Variants in C1QTNF12 observed in about 807,000 individuals in gnomAD.
C1QTNF12 encodes the protein C1q and TNF related 12.
A neutral mutation model predicts 34.3 loss-of-function variants in C1QTNF12; 39 were observed. That is an observed-to-expected ratio of 1.14 (90% CI 0.88 to 1.49). The LOEUF is 1.49. Among genes scored for constraint, C1QTNF12 ranks in the 40% most tolerant of loss-of-function variants. C1QTNF12 has a pLI of 0.00. For synonymous variants in C1QTNF12, 220 were observed against 196.9 expected, an observed-to-expected ratio of 1.12 and a Z score of -0.98; for missense variants, 497 against 424.7, an observed-to-expected ratio of 1.17 and a Z score of -1.50.
At chr1:1,246,840 C>G (rs977334582), upstream of C1QTNF12, 1 of 502,090 alleles carries the variant, frequency 2.0e-6, no homozygotes, top group African/African-American at 2.0e-5. This position sits in a 1 kb window ranked among gnomAD's most constrained non-coding sequence, Gnocchi z 4.5. Flanking sequence ...CTGCCCGGAA[C>G]GGCGGCGCGA....
rs564107619 is a variant in C1QTNF12, at chr1:1,243,370, G to A, written c.640+74C>T. On this transcript the variant is annotated intron_variant, in intron 5 of 7. Coordinates refer to ENST00000330388, the MANE Select transcript of C1QTNF12 (RefSeq NM_001014980.3). Reference sequence around the variant, plus strand: ...CCTAACAGGACCCGCACCCGGGGCCGGCGATGCCAGGCGCCCCCAGAAAGC... The same window carrying A: ...CCTAACAGGACCCGCACCCGGGGCCAGCGATGCCAGGCGCCCCCAGAAAGC... 3.0e-5 allele frequency: 42 copies of A among 1,384,068 alleles called. 1 individual carries two copies. Among genetic ancestry groups the A allele is most frequent in the South Asian group, 2.0e-4 (16 of 79,484 alleles). 85.7% of individuals were successfully genotyped at this position (1,384,068 alleles called of 1,614,324 possible). A position where few individuals can be genotyped will look rare whatever the true frequency, so the allele number is the denominator to read the frequency against.
chr1:1,243,280 A>G, intron 5 of C1QTNF12, 128 bp from the exon 6 acceptor site: 1 of 997,354 alleles, frequency 1.0e-6, no homozygotes, highest in Non-Finnish European at 1.5e-6. Context: ...GGGGCGCCTG[A>G]GGCCAGGCGT....
At chr1:1,244,542 A>G in intron 1 of C1QTNF12, 45 bp from the exon 2 acceptor site, 1 of 1,436,376 alleles carries the variant, frequency 7.0e-7, no homozygotes, top group South Asian at 1.1e-5. Flanking sequence ...TGCACCCTGC[A>G]GAGAGCTGGG....
chr1:1,244,847 C>G (rs1162586817), intron 1 of C1QTNF12: 1 of 77,966 alleles, frequency 1.3e-5, no homozygotes. Context: ...CTCCTCCCCC[C>G]ACTCCTCATC....
intron 1 of C1QTNF12, 112 bp from the exon 2 acceptor site, chr1:1,244,609 GAGA>G: frequency 4.7e-6 from 4 of 845,656 alleles, no homozygotes; most frequent in South Asian, 4.4e-5. Context: ...CGCCGGCCAG[GAGA>G]AGGACCCACG....
At chr1:1,245,491 G>T (rs563133992) in intron 1 of C1QTNF12, among the ~76,000 whole-genome samples, 1 of 151,136 alleles carries the variant, frequency 6.6e-6, no homozygotes, top group African/African-American at 2.4e-5. Context: ...CAGCCCTCCA[G>T]CCGGCACCCT....
At chr1:1,246,945 C>G (rs1031576124), upstream of C1QTNF12, among the ~76,000 whole-genome samples, 8 of 152,148 alleles carry the variant, frequency 5.3e-5, no homozygotes, top group Admixed American at 1.3e-4. The surrounding 1 kb of genome is among the most constrained non-coding windows in gnomAD (Gnocchi z 4.5). Context: ...AAATCCTCCC[C>G]TCGCCTCCTC....
In C1QTNF12 at chr1:1,246,715, G is replaced by T; in HGVS notation, c.-25C>A. The stretch of plus-strand genomic sequence containing the variant: ...TGGCTCCGTCCCGAGGCGGCTCAGC[G>T]CGGCGAGTCTCGGCGCCAGGGCGCA... On this transcript the variant is annotated 5_prime_UTR_variant, in exon 1 of 8. Coordinates refer to ENST00000330388, the MANE Select transcript of C1QTNF12 (RefSeq NM_001014980.3). The surrounding 1 kb of genome is among the most constrained non-coding windows in gnomAD (Gnocchi z 4.5). 1 of 1,217,188 alleles carries T rather than the reference G, an allele frequency of 8.2e-7. No homozygotes were observed. Among genetic ancestry groups the T allele is most frequent in the South Asian group, 4.1e-5 (1 of 24,220 alleles). 75.4% of individuals were successfully genotyped at this position (1,217,188 alleles called of 1,614,324 possible). A position where few individuals can be genotyped will look rare whatever the true frequency, so the allele number is the denominator to read the frequency against.
intron 7 of C1QTNF12, 23 bp downstream of exon 7, chr1:1,242,812 G>A (rs182102046): frequency 1.2e-5 from 19 of 1,611,030 alleles, no homozygotes; most frequent in Admixed American, 1.2e-4. Context: ...GAGCCCTCCC[G>A]CTCACACCCG....
At chr1:1,242,673 C>A in intron 7 of C1QTNF12, 27 bp from the exon 8 acceptor site, 1 of 1,573,692 alleles carries the variant, frequency 6.4e-7, no homozygotes, top group African/African-American at 1.4e-5. Context: ...GACGTCACAA[C>A]CGCAGCCACA....
chr1:1,244,229 G>GC lies in C1QTNF12; in HGVS notation c.340dup (p.Ala114GlyfsTer104), dbSNP rs1557534965. The GC allele has an allele frequency of 6.3e-7, 1 of 1,598,124 alleles. No individual in the cohort carries two copies. Among genetic ancestry groups the GC allele is most frequent in the South Asian group, 1.1e-5 (1 of 89,190 alleles). On this transcript the variant is annotated frameshift_variant, in exon 3 of 8. Transcript: ENST00000330388. LOFTEE classifies it high-confidence loss of function. The stretch of plus-strand genomic sequence containing the variant: ...CTGAAACTCGTGAAGCAGAGTCTCC[G>GC]CGGTCACTTCTGCACCTGGAGGTCC...
chr1:1,246,873 TC>T (rs1164702945), upstream of C1QTNF12, among the ~76,000 whole-genome samples: 5 of 151,346 alleles, frequency 3.3e-5, no homozygotes, highest in Non-Finnish European at 7.4e-5. This position sits in a 1 kb window ranked among gnomAD's most constrained non-coding sequence, Gnocchi z 4.5. Context: ...CCCCCCGGGG[TC>T]CCGCTCCAGC....
In C1QTNF12 at chr1:1,243,389, A is replaced by G. The variant is rs563595844; in HGVS notation, c.640+55T>C. 17 of 1,490,058 alleles carry G rather than the reference A, an allele frequency of 1.1e-5. No homozygotes were observed. In the African/African-American group the frequency reaches 2.2e-4, roughly 20 times the overall value. The allele number at this position is 1,490,058 out of a possible 1,614,324, so 92.3% of individuals were successfully genotyped here. A position where few individuals can be genotyped will look rare whatever the true frequency, so the allele number is the denominator to read the frequency against. On this transcript the variant is annotated intron_variant, in intron 5 of 7. Coordinates refer to ENST00000330388, the MANE Select transcript of C1QTNF12 (RefSeq NM_001014980.3). ...GGGGCCGGCGATGCCAGGCGCCCCC[A>G]GAAAGCTCAGCCCCAGCCCCGTCAC...
chr1:1,243,919 C>G (rs756727251), intron 4 of C1QTNF12, 35 bp downstream of exon 4: 6 of 1,586,806 alleles, frequency 3.8e-6, no homozygotes, highest in Non-Finnish European at 5.1e-6. Context: ...GGGGCCCCAC[C>G]CAACACCCCG....
At position 1,242,863 on chromosome 1, in the gene C1QTNF12, A is replaced by C. The variant is rs750669728; in HGVS notation, c.782T>G (p.Leu261Arg). 1.2e-6 allele frequency: 2 copies of C among 1,612,394 alleles called. No individual in the cohort carries two copies. Among genetic ancestry groups the C allele is most frequent in the South Asian group, 2.2e-5 (2 of 91,074 alleles). Residue 261 changes from leucine to arginine, a missense_variant, in exon 7 of 8, where the codon CTA becomes CGA. Leu to Arg is a moderately radical substitution (Grantham distance 102). Coordinates refer to ENST00000330388, the MANE Select transcript of C1QTNF12 (RefSeq NM_001014980.3). ...GLESNSRVFT[L>R]QVQGLLQLQA... The stretch of plus-strand genomic sequence containing the variant: ...CAGCTGCAGCAGCCCCTGCACCTGT[A>C]GCGTGAAGACCCTGCTGTTGCTCTC...
Position 1,246,510 on chromosome 1 carries a change from G to A in C1QTNF12, c.177+4C>T, listed in dbSNP as rs1261657284. 4.1e-6 allele frequency: 5 copies of A among 1,232,276 alleles called. No individual in the cohort carries two copies. Among genetic ancestry groups the A allele is most frequent in the Non-Finnish European group, 5.1e-6 (5 of 987,904 alleles). The allele number at this position is 1,232,276 out of a possible 1,614,324, so 76.3% of individuals were successfully genotyped here. On this transcript the variant is annotated splice_donor_region_variant and intron_variant, in intron 1 of 7. Transcript: ENST00000330388. This position sits in a 1 kb window ranked among gnomAD's most constrained non-coding sequence, Gnocchi z 4.5. ...GAGGGCCCACGTGCGTCCCGGCCGCGTACCTTGGGGGCCTCGGGCAGCCCC... is the reference window on the plus strand; with the variant it reads ...GAGGGCCCACGTGCGTCCCGGCCGCATACCTTGGGGGCCTCGGGCAGCCCC...
In C1QTNF12 at chr1:1,246,706, C is replaced by T. The variant is rs769556954; in HGVS notation, c.-16G>A. 6.3e-4 allele frequency: 767 copies of T among 1,218,316 alleles called. No homozygotes were observed. The highest frequency in any genetic ancestry group is 7.3e-4 in the Non-Finnish European group (711 of 979,284). The allele number at this position is 1,218,316 out of a possible 1,614,324, so 75.5% of individuals were successfully genotyped here. ...AGCGCCGCATGGCTCCGTCCCGAGG[C>T]GGCTCAGCGCGGCGAGTCTCGGCGC... On this transcript the variant is annotated 5_prime_UTR_variant, in exon 1 of 8. Transcript: ENST00000330388. The surrounding 1 kb of genome is among the most constrained non-coding windows in gnomAD (Gnocchi z 4.5).
At chr1:1,246,927 C>T (rs562265269), upstream of C1QTNF12, among the ~76,000 whole-genome samples, 5 of 152,222 alleles carry the variant, frequency 3.3e-5, no homozygotes, top group Admixed American at 2.0e-4. This position sits in a 1 kb window ranked among gnomAD's most constrained non-coding sequence, Gnocchi z 4.5. Flanking sequence ...CTCACTCCGC[C>T]GCCCAGTAAA....
chr1:1,243,369 C>T (rs540624615), intron 5 of C1QTNF12, 75 bp downstream of exon 5: 15 of 1,383,258 alleles, frequency 1.1e-5, no homozygotes, highest in South Asian at 2.5e-5. Flanking sequence ...CACCCGGGGC[C>T]GGCGATGCCA....
Sources: allele counts gnomAD v4.1 joint callset (sites outside exome capture counted in the v4.1 genomes callset), GRCh38; gene constraint gnomAD v4.1.1; non-coding constraint Gnocchi (gnomAD v3.1); transcripts MANE v1.5; gene names NCBI Gene and HGNC (gene_info 2026-07-23, HGNC 2026-07-21).